The following DOCK2 variants were observed in gnomAD, a reference collection of about 807,000 sequenced individuals.
DOCK2 encodes the protein dedicator of cytokinesis protein 2.
In DOCK2, 87 loss-of-function variants were observed where a neutral mutation model predicts 248.9. The ratio of observed to expected loss-of-function variants is 0.35; its 90% CI spans 0.29 to 0.42. The LOEUF is 0.42. Ranked by LOEUF, DOCK2 falls within the 10% of genes least tolerant of loss-of-function variation. DOCK2 has a pLI of 1.00. For synonymous variants in DOCK2, 805 were observed against 821.6 expected, an observed-to-expected ratio of 0.98 and a Z score of 0.35; for missense variants, 1,747 against 2,300.2, an observed-to-expected ratio of 0.76 and a Z score of 4.92.
intron 25 of DOCK2, among the ~76,000 whole-genome samples, chr5:169,761,920 A>C (rs1252629937): frequency 1.3e-5 from 2 of 152,174 alleles, no homozygotes; most frequent in Non-Finnish European, 2.9e-5. Context: ...CTCAAAGGGA[A>C]ATGGATAAAG....
chr5:170,028,793 TCCC>T (rs1020717053), intron 34 of DOCK2, among the ~76,000 whole-genome samples: 15 of 150,584 alleles, frequency 1.0e-4, no homozygotes, highest in Non-Finnish European at 1.6e-4. Flanking sequence ...ACCCAAACAC[TCCC>T]CCATCTCCCC....
chr5:169,860,890 G>A (rs1771156919), intron 27 of DOCK2, among the ~76,000 whole-genome samples: 1 of 152,124 alleles, frequency 6.6e-6, no homozygotes, highest in South Asian at 2.1e-4. Context: ...AACTTAATAA[G>A]ATATTTTTAT....
chr5:169,867,092 CACT>C (rs1369716620), intron 27 of DOCK2, among the ~76,000 whole-genome samples: 8 of 152,238 alleles, frequency 5.3e-5, no homozygotes, highest in African/African-American at 1.9e-4. Context: ...CTCAGGGAAA[CACT>C]TCCTTACGTT....
chr5:169,639,950 C>T (rs1481000339), intron 1 of DOCK2, among the ~76,000 whole-genome samples: 1 of 152,204 alleles, frequency 6.6e-6, no homozygotes, highest in Non-Finnish European at 1.5e-5. Flanking sequence ...AGTCTAAGAT[C>T]AAAGCACCAC....
intron 25 of DOCK2, among the ~76,000 whole-genome samples, chr5:169,792,843 A>G (rs1057014675): frequency 1.3e-5 from 2 of 152,112 alleles, no homozygotes; most frequent in African/African-American, 4.8e-5. Flanking sequence ...ATGCATTTTT[A>G]TTTTTCTAAA....
At chr5:169,648,175 G>A (rs1159532606) in intron 1 of DOCK2, among the ~76,000 whole-genome samples, 1 of 152,106 alleles carries the variant, frequency 6.6e-6, no homozygotes, top group Non-Finnish European at 1.5e-5. Context: ...TGTCACTATT[G>A]ACATTGTGGG....
chr5:169,719,892 C>T (rs1304526987), intron 22 of DOCK2, among the ~76,000 whole-genome samples: 1 of 151,284 alleles, frequency 6.6e-6, no homozygotes, highest in African/African-American at 2.4e-5. Context: ...TTGAATTAGC[C>T]TGGGCAACAA....
At chr5:169,807,439 T>C (rs1440284390) in intron 26 of DOCK2, among the ~76,000 whole-genome samples, 1 of 151,964 alleles carries the variant, frequency 6.6e-6, no homozygotes, top group African/African-American at 2.4e-5. Flanking sequence ...TGACCTGTCT[T>C]TTTTTTTCCT....
At chr5:169,770,521 G>A (rs1765026764) in intron 25 of DOCK2, among the ~76,000 whole-genome samples, 1 of 151,958 alleles carries the variant, frequency 6.6e-6, no homozygotes, top group South Asian at 2.1e-4. Flanking sequence ...GCTGGTCTCA[G>A]ACCCCTGGGC....
chr5:169,979,012 A>G (rs73327857), intron 27 of DOCK2, among the ~76,000 whole-genome samples: 3,016 of 152,218 alleles, frequency 0.02, 104 homozygotes, highest in African/African-American at 0.068. Flanking sequence ...TTAAGAAGCA[A>G]TTTCCCATCC....
At chr5:169,995,239 G>A (rs1279562406) in intron 29 of DOCK2, among the ~76,000 whole-genome samples, 1 of 152,056 alleles carries the variant, frequency 6.6e-6, no homozygotes, top group Non-Finnish European at 1.5e-5. Context: ...ACGATGGTCA[G>A]GCTGGTCTTG....
At chr5:169,647,895 T>C (rs1189518819) in intron 1 of DOCK2, among the ~76,000 whole-genome samples, 6 of 152,268 alleles carry the variant, frequency 3.9e-5, no homozygotes, top group Non-Finnish European at 5.9e-5. Context: ...TCGACTAGAT[T>C]TCACAGAAGC....
rs192516538 is a variant in DOCK2 at position 169,695,731 on chromosome 5, C to T, written c.844-72C>T. 4.4e-6 allele frequency: 7 copies of T among 1,593,298 alleles called. No homozygotes were observed. The East Asian group carries it at 1.6e-4, about 36-fold the overall frequency. On this transcript the variant is annotated intron_variant, in intron 9 of 51. Transcript: ENST00000520908. ...ATACATCCCTCAGAAATTACTATTACTGGGTTTTCTTGTCTACCTTTTTTC... is the reference window on the plus strand; with the variant it reads ...ATACATCCCTCAGAAATTACTATTATTGGGTTTTCTTGTCTACCTTTTTTC...
At chr5:169,739,234 C>T (rs140376760) in intron 22 of DOCK2, among the ~76,000 whole-genome samples, 5 of 152,264 alleles carry the variant, frequency 3.3e-5, no homozygotes, top group African/African-American at 9.6e-5. Context: ...ATTTCTTGGG[C>T]CGTTGTGTCT....
intron 30 of DOCK2, chr5:170,000,414 C>T (rs1754790548): frequency 6.6e-6 from 1 of 152,116 alleles, no homozygotes; most frequent in Non-Finnish European, 1.5e-5. Flanking sequence ...GTCATCTAAC[C>T]AATAAATGGG....
At chr5:169,727,474 AG>A (rs1302542783) in intron 22 of DOCK2, among the ~76,000 whole-genome samples, 2 of 152,122 alleles carry the variant, frequency 1.3e-5, no homozygotes, top group Admixed American at 6.5e-5. Flanking sequence ...GTGGTGGTGG[AG>A]GGGGGCCTGA....
At chr5:169,793,602 C>T (rs1011122417) in intron 25 of DOCK2, among the ~76,000 whole-genome samples, 3 of 152,102 alleles carry the variant, frequency 2.0e-5, no homozygotes, top group African/African-American at 7.2e-5. Context: ...CTACAGAAAG[C>T]CTCCTCAGTG....
At chr5:169,979,711 C>T (rs1484003745) in intron 27 of DOCK2, among the ~76,000 whole-genome samples, 1 of 152,186 alleles carries the variant, frequency 6.6e-6, no homozygotes, top group East Asian at 1.9e-4. Flanking sequence ...ACTTCAGTCA[C>T]ATTGCACTAC....
chr5:169,913,801 C>A (rs1774731727), intron 27 of DOCK2, among the ~76,000 whole-genome samples: 1 of 152,180 alleles, frequency 6.6e-6, no homozygotes, highest in African/African-American at 2.4e-5. Flanking sequence ...GAATTAGATG[C>A]TTCGCTATTA....
Sources: gnomAD v4.1 joint callset for allele counts (sites outside exome capture counted in the v4.1 genomes callset) on GRCh38, gnomAD v4.1.1 for gene constraint, MANE v1.5 for transcripts, NCBI Gene and HGNC (gene_info 2026-07-23, HGNC 2026-07-21) for gene names.